Variants in HDGFL2 observed in about 807,000 individuals in gnomAD.
HDGFL2 encodes hepatoma-derived growth factor-related protein 2.
A neutral mutation model predicts 77.1 loss-of-function variants in HDGFL2; 36 were observed. That is an observed-to-expected ratio of 0.47 (90% CI 0.36 to 0.62). HDGFL2 has a LOEUF of 0.62. Ranked by LOEUF, HDGFL2 falls within the 20% of genes least tolerant of loss-of-function variation. HDGFL2 has a pLI of 0.00. For missense variants in HDGFL2, 976 were observed against 973.4 expected (o/e 1.00, Z -0.04); for synonymous variants, 463 against 413.1 (o/e 1.12, Z -1.46).
At chr19:4,490,641 T>G (rs1410865017) in intron 4 of HDGFL2, among the ~76,000 whole-genome samples, 1 of 152,246 alleles carries the variant, frequency 6.6e-6, no homozygotes, top group African/African-American at 2.4e-5. Context: ...CAGCAAATTC[T>G]TTTGATAGAG....
intron 9 of HDGFL2, among the ~76,000 whole-genome samples, chr19:4,494,746 G>A (rs1350499095): frequency 6.6e-6 from 1 of 152,078 alleles, no homozygotes; most frequent in East Asian, 1.9e-4. Flanking sequence ...GAGAGACCCT[G>A]TCTCTATAAA....
intron 6 of HDGFL2, among the ~76,000 whole-genome samples, chr19:4,492,917 GGTGT>G (rs1235396587): frequency 8.1e-6 from 1 of 123,222 alleles, no homozygotes; most frequent in Non-Finnish European, 1.7e-5. Flanking sequence ...GTGTCTGTGT[GGTGT>G]GTATCTGTGT....
chr19:4,491,701 G>A lies in HDGFL2; in HGVS notation c.606+19G>A. On this transcript the variant is annotated intron_variant, in intron 5 of 15. Transcript: ENST00000616600. ...CGACCAGGTGGGCCAGTGGCTCCTT[G>A]GGATGGCAGGGAAGCGTGGTGGCTG... 6.2e-7 allele frequency: 1 copy of A among 1,613,628 alleles called. No individual in the cohort carries two copies. The highest frequency in any genetic ancestry group is 8.5e-7 in the Non-Finnish European group (1 of 1,179,618).
At chr19:4,498,477 C>T (rs982982407) in intron 12 of HDGFL2, 101 bp downstream of exon 12, 27 of 943,134 alleles carry the variant, frequency 2.9e-5, no homozygotes, top group Non-Finnish European at 4.5e-5. Context: ...CGGGGTCCTG[C>T]AGTTGGGTGG....
At chr19:4,487,114 G>T (rs1374022968) in intron 3 of HDGFL2, among the ~76,000 whole-genome samples, 1 of 151,754 alleles carries the variant, frequency 6.6e-6, no homozygotes, top group East Asian at 1.9e-4. Context: ...ACAGGCGCCC[G>T]CCACCACGCC....
At chr19:4,494,655 C>G (rs1028959363) in intron 9 of HDGFL2, among the ~76,000 whole-genome samples, 180 bp downstream of exon 9, 47 of 152,202 alleles carry the variant, frequency 3.1e-4, no homozygotes, top group African/African-American at 1.1e-3. Context: ...CTTGGTGGCT[C>G]ACGCCTGTTA....
chr19:4,480,577 G>T (rs568836203), intron 3 of HDGFL2, among the ~76,000 whole-genome samples: 6 of 152,310 alleles, frequency 3.9e-5, no homozygotes, highest in African/African-American at 1.2e-4. Context: ...AAATTAGCTG[G>T]GCATGGCGGT....
At chr19:4,496,035 C>T (rs73920816) in intron 9 of HDGFL2, among the ~76,000 whole-genome samples, 3,757 of 152,192 alleles carry the variant, frequency 0.025, 163 homozygotes, top group African/African-American at 0.087. Flanking sequence ...GTGCAGGAGG[C>T]GTTTCAGCCA....
intron 14 of HDGFL2, among the ~76,000 whole-genome samples, chr19:4,500,812 A>G (rs892159): frequency 0.99 from 150,490 of 152,274 alleles, 74,376 homozygotes; most frequent in Non-Finnish European, 0.99. Context: ...CTGGCATGTT[A>G]CTCAGGCTGG....
At position 4,494,464 on chromosome 19, in the gene HDGFL2, C is replaced by G. The variant is rs1036151697; in HGVS notation, c.1213C>G (p.Leu405Val). Residue 405 changes from leucine to valine, a missense_variant, in exon 9 of 16, where the codon CTG (leucine) becomes GTG (valine). By Grantham distance (32) the Leu-to-Val change is conservative (BLOSUM62 1). This residue lies in a region of HDGFL2 where 567 missense variants were observed against 534.7 expected (regional missense o/e 1.06). Coordinates refer to ENST00000616600, the MANE Select transcript of HDGFL2 (RefSeq NM_001001520.3). Reference protein sequence around the residue: ...SSSDSEPEAELEREAKKSAKK... With the variant: ...SSSDSEPEAEVEREAKKSAKK... ...CTCTGACTCCGAGCCCGAGGCCGAG[C>G]TGGAGAGAGAGGTGAGCCGGGAGGG... 15 of 1,391,582 alleles carry G rather than the reference C, an allele frequency of 1.1e-5. No homozygotes were observed. Among genetic ancestry groups the G allele is most frequent in the African/African-American group, 1.5e-5 (1 of 65,562 alleles). The allele number at this position is 1,391,582 out of a possible 1,614,324, so 86.2% of individuals were successfully genotyped here. A position where few individuals can be genotyped will look rare whatever the true frequency, so the allele number is the denominator to read the frequency against.
chr19:4,484,130 C>G lies in HDGFL2; in HGVS notation c.289-4546C>G, dbSNP rs1223653987. 5.7e-5 allele frequency among the ~76,000 whole-genome samples: 8 copies of G among 140,248 alleles called. No homozygotes were observed. The South Asian group carries it at 1.1e-3, about 20-fold the overall frequency. The allele number at this position is 140,248 out of a possible 152,430, so 92.0% of individuals were successfully genotyped here. ...TTTGAGACAGTGTCTGTCACCCAGG[C>G]TGGAGTGCAGTGGTGTGATTTCAGC... On this transcript the variant is annotated intron_variant, in intron 3 of 15. Coordinates refer to ENST00000616600, the MANE Select transcript of HDGFL2 (RefSeq NM_001001520.3).
intron 9 of HDGFL2, among the ~76,000 whole-genome samples, chr19:4,494,805 G>A (rs542582190): frequency 3.3e-5 from 5 of 152,120 alleles, no homozygotes; most frequent in South Asian, 2.1e-4. Flanking sequence ...GTATAGTCCC[G>A]GCTGCTCAGG....
chr19:4,492,879 G>GTGTAGTTA (rs1568212924), intron 6 of HDGFL2, among the ~76,000 whole-genome samples: 13 of 129,904 alleles, frequency 1.0e-4, no homozygotes, highest in African/African-American at 2.7e-4. Context: ...TGTGTGGTGT[G>GTGTAGTTA]GTGTGTGTTA....
chr19:4,486,090 A>T (rs1222283292), intron 3 of HDGFL2, among the ~76,000 whole-genome samples: 6 of 150,900 alleles, frequency 4.0e-5, no homozygotes, highest in Non-Finnish European at 8.9e-5. Flanking sequence ...ACGAAAACTC[A>T]ATCTCTCTCT....
chr19:4,472,608 G>T (rs1310900865), intron 1 of HDGFL2, among the ~76,000 whole-genome samples, 186 bp downstream of exon 1: 6 of 151,152 alleles, frequency 4.0e-5, no homozygotes, highest in Admixed American at 6.6e-5. Context: ...GGGGTCTGGG[G>T]GTCCTGGGCC....
intron 14 of HDGFL2, among the ~76,000 whole-genome samples, chr19:4,500,452 ATTTTTTTTT>A (rs67297373): frequency 3.4e-5 from 3 of 88,718 alleles, no homozygotes; most frequent in African/African-American, 1.5e-4. Flanking sequence ...TGCCCTGCTA[ATTTTTTTTT>A]TTTTTTTTTT....
chr19:4,473,639 G>T (rs75783257), intron 1 of HDGFL2, among the ~76,000 whole-genome samples: 15,080 of 143,440 alleles, frequency 0.11, 883 homozygotes, highest in South Asian at 0.23. Context: ...AGTCAGGGGG[G>T]AAGGTTGAGG....
At chr19:4,476,197 T>A (rs1335201102) in intron 3 of HDGFL2, among the ~76,000 whole-genome samples, 3 of 143,142 alleles carry the variant, frequency 2.1e-5, no homozygotes, top group Non-Finnish European at 4.6e-5. Context: ...GCCTTTTTTT[T>A]TTTTTTTTTT....
In HDGFL2 at chr19:4,499,496, C is replaced by T. The variant is rs558233360; in HGVS notation, c.1581C>T (p.Arg527=). 1.9e-6 allele frequency: 3 copies of T among 1,613,000 alleles called. No homozygotes were observed. The highest frequency in any genetic ancestry group is 1.1e-5 in the South Asian group (1 of 90,944). ...TDVVATLKKI[R]RYKANKDVME... Reference sequence around the variant, plus strand: ...CCTCTTCTCTTGGTGGCCAGATTCGCCGTTACAAAGCGAACAAGGACGTAA... The same window carrying T: ...CCTCTTCTCTTGGTGGCCAGATTCGTCGTTACAAAGCGAACAAGGACGTAA... The change falls in exon 14 of 16, where the codon CGC becomes CGT. Residue 527 remains arginine, a synonymous_variant. Coordinates refer to ENST00000616600, the MANE Select transcript of HDGFL2 (RefSeq NM_001001520.3).
Sources: gnomAD v4.1 joint callset for allele counts (sites outside exome capture counted in the v4.1 genomes callset) on GRCh38, gnomAD v4.1.1 for gene constraint, gnomAD v4.1.1 regional missense constraint, MANE v1.5 for transcripts, NCBI Gene and HGNC (gene_info 2026-07-23, HGNC 2026-07-21) for gene names.